The following HCN4 variants were observed in gnomAD, a reference collection of about 807,000 sequenced individuals.
HCN4 encodes potassium/sodium hyperpolarization-activated cyclic nucleotide-gated channel 4.
Under a neutral mutation model 76.9 loss-of-function variants are expected in HCN4, and 29 were observed. That is an observed-to-expected ratio of 0.38 (90% CI 0.28 to 0.51). The LOEUF (loss-of-function observed/expected upper bound fraction) is 0.51, where lower values mean the gene tolerates loss of function less well. Ranked by LOEUF, HCN4 falls within the 20% of genes least tolerant of loss-of-function variation. The pLI, the probability that HCN4 is intolerant of heterozygous loss-of-function variation, is 0.90. For missense variants in HCN4, 1,416 were observed against 1,715.2 expected, an observed-to-expected ratio of 0.83 and a Z score of 3.08; for synonymous variants, 772 against 762.5, an observed-to-expected ratio of 1.01 and a Z score of -0.21.
intron 2 of HCN4, chr15:73,341,069 G>GGTTGT (rs1555477058): frequency 3.4e-5 from 5 of 145,864 alleles, no homozygotes; most frequent in African/African-American, 1.3e-4. Context: ...GAGGGAGGTA[G>GGTTGT]GTGTGTGTGT....
At position 73,332,116 on chromosome 15, in the gene HCN4, G is replaced by T. The variant is rs2042936887; in HGVS notation, c.1371+15C>A. On this transcript the variant is annotated intron_variant, in intron 3 of 7. Transcript: ENST00000261917. ...GCCTATGGCCCAGAGAGAGGACCGG[G>T]CTGGGCGCACTCACCACCATGTTGT... 1.2e-6 allele frequency: 2 copies of T among 1,612,722 alleles called. No individual in the cohort carries two copies. The highest frequency in any genetic ancestry group is 8.5e-7 in the Non-Finnish European group (1 of 1,179,590).
chr15:73,336,251 G>A (rs559207961), intron 2 of HCN4, among the ~76,000 whole-genome samples: 2 of 152,124 alleles, frequency 1.3e-5, no homozygotes, highest in Non-Finnish European at 2.9e-5. Flanking sequence ...GAATTCTGCT[G>A]AAAGTTTCTT....
At position 73,343,595 on chromosome 15, in the gene HCN4, A is replaced by G; in HGVS notation, c.999T>C (p.Ile333=). The G allele has an allele frequency of 1.2e-6, 2 of 1,614,178 alleles. No individual in the cohort carries two copies. Among genetic ancestry groups the G allele is most frequent in the Non-Finnish European group, 1.7e-6 (2 of 1,180,034 alleles). ...NTEIILDPQR[I]KMKYLKSWFM... Reference sequence around the variant, plus strand: ...ACCAGCTTTTCAGGTACTTCATTTTAATCCGCTGCGGGTCCAGGATGATCT... The same window carrying G: ...ACCAGCTTTTCAGGTACTTCATTTTGATCCGCTGCGGGTCCAGGATGATCT... The change falls in exon 2 of 8, where the codon ATT becomes ATC. Residue 333 remains isoleucine (I), a synonymous_variant. Coordinates refer to ENST00000261917, the MANE Select transcript of HCN4 (RefSeq NM_005477.3). This position sits in a 1 kb window ranked among gnomAD's most constrained non-coding sequence, Gnocchi z 5.7.
chr15:73,341,781 A>G (rs1343032702), intron 2 of HCN4, among the ~76,000 whole-genome samples: 1 of 152,216 alleles, frequency 6.6e-6, no homozygotes, highest in African/African-American at 2.4e-5. Context: ...TTTCCAAGCC[A>G]AAGAGAATTT....
Position 73,328,338 on chromosome 15 carries a change from G to A in HCN4, c.1590+1235C>T, listed in dbSNP as rs1457471236. Among the ~76,000 whole-genome samples the A allele has an allele frequency of 1.3e-5, 2 of 152,054 alleles. No individual in the cohort carries two copies. Among genetic ancestry groups the A allele is most frequent in the Non-Finnish European group, 2.9e-5 (2 of 68,014 alleles). On this transcript the variant is annotated intron_variant, in intron 4 of 7. Coordinates refer to ENST00000261917, the MANE Select transcript of HCN4 (RefSeq NM_005477.3). This position sits in a 1 kb window ranked among gnomAD's most constrained non-coding sequence, Gnocchi z 4.0. ...GCCAGGCTGAAATAAAGGGTGCAAG[G>A]CCCAGGGCAGGAGCTGAGCATGAGG... is the stretch of plus-strand genomic sequence containing the variant.
Position 73,368,335 on chromosome 15 carries a change from G to A in HCN4, c.-65C>T. The A allele has an allele frequency of 8.3e-7, 1 of 1,211,186 alleles. No homozygotes were observed. Among genetic ancestry groups the A allele is most frequent in the Non-Finnish European group, 1.1e-6 (1 of 938,268 alleles). The allele number at this position is 1,211,186 out of a possible 1,614,324, so 75.0% of individuals were successfully genotyped here. A position where few individuals can be genotyped will look rare whatever the true frequency, so the allele number is the denominator to read the frequency against. ...GCGCGGCGCCGCGGACGGGCTCCAG[G>A]TCCGCCCGCCGGTCAGTCCGCCCGT... On this transcript the variant is annotated 5_prime_UTR_variant, in exon 1 of 8. Transcript: ENST00000261917. The surrounding 1 kb of genome is among the most constrained non-coding windows in gnomAD (Gnocchi z 6.9).
At position 73,368,159 on chromosome 15, in the gene HCN4, C is replaced by A; in HGVS notation, c.112G>T (p.Gly38Trp). The A allele has an allele frequency of 6.6e-7, 1 of 1,526,286 alleles. No homozygotes were observed. Among genetic ancestry groups the A allele is most frequent in the Non-Finnish European group, 8.8e-7 (1 of 1,138,214 alleles). The allele number at this position is 1,526,286 out of a possible 1,614,324, so 94.5% of individuals were successfully genotyped here. ...CTGCGGCTGGGGTCTTGGCGGCCCCCGGCCCCCTCCTCCTCGGCGTCCTCT... is the reference window on the plus strand; with the variant it reads ...CTGCGGCTGGGGTCTTGGCGGCCCCAGGCCCCCTCCTCCTCGGCGTCCTCT... ...EEEDAEEEGA[G>W]GRQDPSRRSI... Residue 38 changes from glycine (G) to tryptophan (W), a missense_variant, in exon 1 of 8, where the codon GGG (glycine) becomes TGG (tryptophan). Around this residue, in one of 6 missense-constraint regions of HCN4, gnomAD observed 355 missense variants for 347.8 expected, o/e 1.02. Coordinates refer to ENST00000261917, the MANE Select transcript of HCN4 (RefSeq NM_005477.3). The surrounding 1 kb of genome is among the most constrained non-coding windows in gnomAD (Gnocchi z 6.9).
intron 2 of HCN4, among the ~76,000 whole-genome samples, chr15:73,341,637 C>T (rs565323425): frequency 2.6e-5 from 4 of 152,252 alleles, no homozygotes; most frequent in South Asian, 2.1e-4. Flanking sequence ...TCCACTACAC[C>T]GGGGTGGGAC....
intron 2 of HCN4, among the ~76,000 whole-genome samples, chr15:73,337,395 T>C (rs2042973335): frequency 6.6e-6 from 1 of 151,972 alleles, no homozygotes; most frequent in South Asian, 2.1e-4. Flanking sequence ...AATGAATGAG[T>C]GGGTACCATA....
intron 2 of HCN4, among the ~76,000 whole-genome samples, chr15:73,334,512 G>A (rs2042950752): frequency 6.6e-6 from 1 of 151,888 alleles, no homozygotes; most frequent in African/African-American, 2.4e-5. Flanking sequence ...TATGACCCTG[G>A]GCAAATCCTA....
chr15:73,322,869 G>T lies in HCN4; in HGVS notation c.3224C>A (p.Thr1075Asn). 1 of 1,479,352 alleles carries T rather than the reference G, an allele frequency of 6.8e-7. No homozygotes were observed. Among genetic ancestry groups the T allele is most frequent in the East Asian group, 2.3e-5 (1 of 43,032 alleles). 91.6% of individuals were successfully genotyped at this position (1,479,352 alleles called of 1,614,324 possible). A position where few individuals can be genotyped will look rare whatever the true frequency, so the allele number is the denominator to read the frequency against. ...VPQRRGTPPL[T>N]PGRLTQDLKL... is the part of the protein sequence containing the mutation. ...GAGGTCCTGGGTGAGGCGGCCGGGG[G>T]TGAGCGGGGGTGTGCCCCGGCGCTG... The change falls in exon 8 of 8, where the codon ACC (threonine) becomes AAC (asparagine). Residue 1075 changes from threonine (T) to asparagine (N), a missense_variant. Thr to Asn is a moderately conservative substitution (Grantham distance 65, BLOSUM62 0). Around this residue, in one of 6 missense-constraint regions of HCN4, gnomAD observed 633 missense variants for 579.8 expected, o/e 1.09. Transcript: ENST00000261917.
intron 1 of HCN4, among the ~76,000 whole-genome samples, chr15:73,355,951 G>A (rs1172219355): frequency 4.6e-5 from 7 of 152,140 alleles, no homozygotes; most frequent in Non-Finnish European, 1.5e-5. Flanking sequence ...AAGCTTACAA[G>A]AATCAAAGAA....
chr15:73,323,144 G>A lies in HCN4; in HGVS notation c.2949C>T (p.Ser983=), dbSNP rs867765596. 9 of 1,588,002 alleles carry A rather than the reference G, an allele frequency of 5.7e-6. No individual in the cohort carries two copies. Among genetic ancestry groups the A allele is most frequent in the Middle Eastern group, 3.3e-4 (2 of 5,980 alleles). Residue 983 remains serine, a synonymous_variant, in exon 8 of 8, where the codon TCC becomes TCT. Coordinates refer to ENST00000261917, the MANE Select transcript of HCN4 (RefSeq NM_005477.3). Reference sequence around the variant, plus strand: ...TCAGTGGGCCAGTGGCCAGACCTAGGGACAACTCCCCGGGAGGCTGGCCCA... The same window carrying A: ...TCAGTGGGCCAGTGGCCAGACCTAGAGACAACTCCCCGGGAGGCTGGCCCA... ...GQLGQPPGEL[S]LGLATGPLST... is the part of the protein sequence containing the mutation.
At position 73,343,189 on chromosome 15, in the gene HCN4, C is replaced by G. The variant is rs2043014843; in HGVS notation, c.1209+196G>C. On this transcript the variant is annotated intron_variant, in intron 2 of 7. Coordinates refer to ENST00000261917, the MANE Select transcript of HCN4 (RefSeq NM_005477.3). The surrounding 1 kb of genome is among the most constrained non-coding windows in gnomAD (Gnocchi z 5.7). ...TGGTTCCCTCTATAGCTGTTACACA[C>G]TTCATTGAGATACTGCATGTAAAGT... Among the ~76,000 whole-genome samples, 1 of 152,224 alleles carries G rather than the reference C, an allele frequency of 6.6e-6. No individual in the cohort carries two copies.
chr15:73,357,505 G>A (rs1256713853), intron 1 of HCN4, among the ~76,000 whole-genome samples: 1 of 152,158 alleles, frequency 6.6e-6, no homozygotes, highest in African/African-American at 2.4e-5. Context: ...GCTCTTCTGA[G>A]GCCAGGTCTG....
In HCN4 at chr15:73,332,148, A is replaced by T; in HGVS notation, c.1354T>A (p.Ser452Thr). ...LQDFPDDCWV[S>T]INNMVNNSWG... The stretch of plus-strand genomic sequence containing the variant: ...GCACTCACCACCATGTTGTTGATGG[A>T]CACCCAGCAGTCGTCAGGGAAGTCC... Residue 452 changes from serine (S) to threonine (T), a missense_variant, in exon 3 of 8, where the codon TCC becomes ACC. Transcript: ENST00000261917. 1.2e-6 allele frequency: 2 copies of T among 1,614,056 alleles called. No individual in the cohort carries two copies. Among genetic ancestry groups the T allele is most frequent in the Non-Finnish European group, 1.7e-6 (2 of 1,180,026 alleles).
intron 4 of HCN4, 132 bp downstream of exon 4, chr15:73,329,441 T>C (rs2042919330): frequency 1.3e-6 from 1 of 782,300 alleles, no homozygotes; most frequent in Non-Finnish European, 2.1e-6. Context: ...CCTCCTGCTC[T>C]TCCCTCACAC....
intron 1 of HCN4, among the ~76,000 whole-genome samples, chr15:73,350,000 C>T (rs956227457): frequency 1.3e-5 from 2 of 152,240 alleles, no homozygotes; most frequent in East Asian, 1.9e-4. Flanking sequence ...AACAATCCCA[C>T]CTCAATGGTC....
Position 73,368,021 on chromosome 15 carries a change from C to A in HCN4, c.250G>T (p.Ala84Ser). 7.0e-7 allele frequency: 1 copy of A among 1,420,518 alleles called. No individual in the cohort carries two copies. The highest frequency in any genetic ancestry group is 9.1e-7 in the Non-Finnish European group (1 of 1,094,308). The allele number at this position is 1,420,518 out of a possible 1,614,324, so 88.0% of individuals were successfully genotyped here. A position where few individuals can be genotyped will look rare whatever the true frequency, so the allele number is the denominator to read the frequency against. ...TCGCCGTTCGTGCTGGACTTGCCCG[C>A]GCCGCGGGCCGGCCCTTCGCTGTCC... The part of the protein sequence containing the change: ...AADSEGPARG[A>S]GKSSTNGDCR... The change falls in exon 1 of 8, where the codon GCG becomes TCG. Residue 84 changes from alanine to serine, a missense_variant. By Grantham distance (99) the Ala-to-Ser change is moderately conservative. Transcript: ENST00000261917. This position sits in a 1 kb window ranked among gnomAD's most constrained non-coding sequence, Gnocchi z 6.9.
Sources: gnomAD v4.1 joint callset for allele counts (sites outside exome capture counted in the v4.1 genomes callset) on GRCh38, gnomAD v4.1.1 for gene constraint, gnomAD v4.1.1 regional missense constraint, Gnocchi (gnomAD v3.1) non-coding constraint, MANE v1.5 for transcripts, NCBI Gene and HGNC (gene_info 2026-07-23, HGNC 2026-07-21) for gene names.